NME7: variants seen among roughly 807,000 people sequenced by gnomAD.
NME7 encodes NME/NM23 family member 7, also known as nucleoside diphosphate kinase 7.
Under a neutral mutation model 49.1 loss-of-function variants are expected in NME7, and 41 were observed. The observed-to-expected ratio is 0.83, with a 90% CI of 0.65 to 1.08. The LOEUF is 1.08. Ranked by LOEUF, NME7 falls within the 50% of genes least tolerant of loss-of-function variation. The pLI, the probability that NME7 is intolerant of heterozygous loss-of-function variation, is 0.00. For synonymous variants in NME7, 139 were observed against 150.6 expected, an observed-to-expected ratio of 0.92 and a Z score of 0.56; for missense variants, 423 against 463.4, an observed-to-expected ratio of 0.91 and a Z score of 0.80.
rs71121752 is a variant in NME7 at position 169,286,953 on chromosome 1, CAAAAA to C, written c.754+345_754+349del. The C allele has an allele frequency of 8.4e-5, 10 of 118,576 alleles. No individual in the cohort carries two copies. The South Asian group carries it at 2.0e-3, about 23-fold the overall frequency. 7.3% of individuals were successfully genotyped at this position (118,576 alleles called of 1,614,324 possible). On this transcript the variant is annotated intron_variant, in intron 7 of 11. Coordinates refer to ENST00000367811, the MANE Select transcript of NME7 (RefSeq NM_013330.5). ...TGGACAACAGAACTAGACTCTGTCT[CAAAAA>C]AAAAAAAAAAAAGTGCTATTGAAGT...
intron 6 of NME7, among the ~76,000 whole-genome samples, chr1:169,291,475 G>C (rs1281877393): frequency 6.6e-6 from 1 of 151,654 alleles, no homozygotes; most frequent in Middle Eastern, 3.2e-3. Flanking sequence ...ACACAAGGAG[G>C]GGAACATCAC....
intron 7 of NME7, among the ~76,000 whole-genome samples, chr1:169,272,240 C>T (rs1019843821): frequency 7.5e-6 from 1 of 133,018 alleles, no homozygotes; most frequent in African/African-American, 2.5e-5. Context: ...TATCAACTTT[C>T]ACTTACATAC....
intron 1 of NME7, among the ~76,000 whole-genome samples, chr1:169,344,153 G>A (rs12042990): frequency 2.6e-5 from 4 of 152,116 alleles, no homozygotes; most frequent in Non-Finnish European, 5.9e-5. Flanking sequence ...TGGTGTCATT[G>A]TAAGTGGAGT....
At chr1:169,190,628 G>T (rs7526721) in intron 10 of NME7, 197,946 of 420,480 alleles carry the variant, frequency 0.47, 48,553 homozygotes, top group East Asian at 0.76. Context: ...AAAAATGTTT[G>T]ATTTTAATAC....
chr1:169,142,289 C>T (rs1658616688), intron 11 of NME7, among the ~76,000 whole-genome samples: 1 of 152,218 alleles, frequency 6.6e-6, no homozygotes, highest in South Asian at 2.1e-4. Context: ...CTTCTGTATG[C>T]TCACAGCCTT....
At chr1:169,307,674 C>T (rs189069729) in intron 4 of NME7, among the ~76,000 whole-genome samples, 298 of 152,242 alleles carry the variant, frequency 2.0e-3, no homozygotes, top group Non-Finnish European at 3.5e-3. Context: ...AGTATAGAGA[C>T]ACTAAACTCA....
chr1:169,276,248 T>C lies in NME7; in HGVS notation c.754+11055A>G, dbSNP rs1358441634. The stretch of plus-strand genomic sequence containing the variant: ...CCTCTTTTTTTATTCAGTGGAATAG[T>C]TTCAGAAGGAATGGTACCAGTTCCT... On this transcript the variant is annotated intron_variant, in intron 7 of 11. Transcript: ENST00000367811. Among the ~76,000 whole-genome samples, 5 of 133,846 alleles carry C rather than the reference T, an allele frequency of 3.7e-5. 1 individual carries two copies. Among genetic ancestry groups the C allele is most frequent in the Admixed American group, 3.7e-4 (5 of 13,644 alleles). The allele number at this position is 133,846 out of a possible 152,430, so 87.8% of individuals were successfully genotyped here. A position where few individuals can be genotyped will look rare whatever the true frequency, so the allele number is the denominator to read the frequency against.
At chr1:169,211,743 CA>C (rs1557990023) in intron 10 of NME7, among the ~76,000 whole-genome samples, 1 of 152,016 alleles carries the variant, frequency 6.6e-6, no homozygotes, top group Non-Finnish European at 1.5e-5. Context: ...GAAAAATCTT[CA>C]TTTAAAAAAT....
At chr1:169,209,072 A>T (rs72637226) in intron 10 of NME7, among the ~76,000 whole-genome samples, 10,624 of 152,018 alleles carry the variant, frequency 0.07, 1,473 homozygotes, top group East Asian at 0.66. Flanking sequence ...GTTTTTACAA[A>T]ACTTGAGTTT....
Position 169,191,063 on chromosome 1 carries a change from C to T in NME7, c.991-21509G>A, listed in dbSNP as rs969229435. Among the ~76,000 whole-genome samples, 8 of 61,912 alleles carry T rather than the reference C, an allele frequency of 1.3e-4. 1 individual carries two copies. The South Asian group carries it at 2.3e-3, about 17-fold the overall frequency. The allele number at this position is 61,912 out of a possible 152,430, so 40.6% of individuals were successfully genotyped here. ...TCCTGACCTCGTGATCCACCCGCCT[C>T]GGCCTCCCAAAGTGCTGGGATTACA... is the stretch of plus-strand genomic sequence containing the variant. On this transcript the variant is annotated intron_variant, in intron 10 of 11. Coordinates refer to ENST00000367811, the MANE Select transcript of NME7 (RefSeq NM_013330.5).
At chr1:169,271,601 G>A (rs1649494289) in intron 7 of NME7, among the ~76,000 whole-genome samples, 1 of 133,118 alleles carries the variant, frequency 7.5e-6, no homozygotes, top group African/African-American at 2.5e-5. Context: ...GCTCTATCAA[G>A]GTTGTGCTTG....
chr1:169,278,055 C>G (rs975739529), intron 7 of NME7, among the ~76,000 whole-genome samples: 1 of 151,716 alleles, frequency 6.6e-6, no homozygotes, highest in African/African-American at 2.4e-5. Context: ...CCGAGAGATC[C>G]GCTGTTAGTC....
At chr1:169,282,795 T>C (rs994082863) in intron 7 of NME7, among the ~76,000 whole-genome samples, 1 of 152,198 alleles carries the variant, frequency 6.6e-6, no homozygotes, top group Admixed American at 6.5e-5. Flanking sequence ...TCTAATTTGA[T>C]TGCACTGTGG....
chr1:169,283,549 T>C (rs1650126735), intron 7 of NME7, among the ~76,000 whole-genome samples: 1 of 152,218 alleles, frequency 6.6e-6, no homozygotes, highest in Admixed American at 6.5e-5. Context: ...GTCGATGTTC[T>C]TTACAATTTG....
chr1:169,249,838 A>T (rs973262087), intron 7 of NME7, among the ~76,000 whole-genome samples: 4 of 152,048 alleles, frequency 2.6e-5, no homozygotes, highest in Non-Finnish European at 5.9e-5. Context: ...CTACTTGGTC[A>T]TGGTGTATTA....
intron 6 of NME7, among the ~76,000 whole-genome samples, chr1:169,288,536 G>A (rs1195997386): frequency 6.6e-6 from 1 of 151,918 alleles, no homozygotes; most frequent in Non-Finnish European, 1.5e-5. Flanking sequence ...GTTGTTTATG[G>A]ATCAACTGTA....
At chr1:169,244,084 T>C (rs1320036063) in intron 7 of NME7, among the ~76,000 whole-genome samples, 4 of 152,164 alleles carry the variant, frequency 2.6e-5, no homozygotes, top group African/African-American at 4.8e-5. Flanking sequence ...TATATACAGC[T>C]ATGAAACATC....
At chr1:169,283,643 G>A (rs1484833151) in intron 7 of NME7, among the ~76,000 whole-genome samples, 1 of 152,074 alleles carries the variant, frequency 6.6e-6, no homozygotes. Flanking sequence ...CAGGTCTGGT[G>A]GTGACAAATT....
intron 10 of NME7, among the ~76,000 whole-genome samples, chr1:169,171,804 C>A (rs1659601700): frequency 7.6e-6 from 1 of 131,342 alleles, no homozygotes; most frequent in Non-Finnish European, 1.7e-5. Context: ...TAATTCCTGG[C>A]TGTTTTTTTT....
Sources: gnomAD v4.1 joint callset for allele counts (sites outside exome capture counted in the v4.1 genomes callset) on GRCh38, gnomAD v4.1.1 for gene constraint, MANE v1.5 for transcripts, NCBI Gene and HGNC (gene_info 2026-07-23, HGNC 2026-07-21) for gene names.